Variants in COL4A6 observed in about 807,000 individuals in gnomAD.
COL4A6 encodes the protein collagen alpha-6(IV) chain.
In COL4A6, 59 loss-of-function variants were observed where a neutral mutation model predicts 126.7. The observed-to-expected ratio is 0.47, with a 90% CI of 0.38 to 0.58. The LOEUF is 0.58. Ranked by LOEUF, COL4A6 falls within the 20% of genes least tolerant of loss-of-function variation. The pLI is 0.00. For synonymous variants in COL4A6, 547 were observed against 496.6 expected, an observed-to-expected ratio of 1.10 and a Z score of -1.35; for missense variants, 1,285 against 1,337.3, an observed-to-expected ratio of 0.96 and a Z score of 0.61.
intron 3 of COL4A6, among the ~76,000 whole-genome samples, chrX:108,235,460 C>G (rs2148303154): frequency 9.0e-6 from 1 of 111,495 alleles, no homozygotes; most frequent in Admixed American, 9.5e-5. Context: ...AGACTGTTAG[C>G]AACCTCACCC....
intron 2 of COL4A6, among the ~76,000 whole-genome samples, chrX:108,410,749 A>T (rs1427266718): frequency 9.0e-6 from 1 of 111,584 alleles, no homozygotes; most frequent in Non-Finnish European, 1.9e-5. Context: ...GTACCCAAAG[A>T]CTTGCTTTAT....
rs998169441 is a variant in COL4A6 at position 108,155,946 on chromosome X, AC to A, written c.*1053del. On this transcript the variant is annotated 3_prime_UTR_variant, in exon 45 of 45. Transcript: ENST00000334504. The stretch of plus-strand genomic sequence containing the variant: ...CTAGATTTTTATGAGGTTTAAAAAA[AC>A]ATATTAAAATAGTTTAATAGGCTAC... 2.7e-5 allele frequency: 3 copies of A among 112,368 alleles called. No homozygotes were observed. Among genetic ancestry groups the A allele is most frequent in the African/African-American group, 9.7e-5 (3 of 30,927 alleles). The allele number at this position is 112,368 out of a possible 1,213,427, so 9.3% of individuals were successfully genotyped here.
chrX:108,256,394 G>A (rs915765444), intron 3 of COL4A6, among the ~76,000 whole-genome samples: 23 of 111,998 alleles, frequency 2.1e-4, no homozygotes, highest in African/African-American at 7.4e-4. Flanking sequence ...CATTTATTAT[G>A]TGTCAGGCAA....
intron 3 of COL4A6, among the ~76,000 whole-genome samples, chrX:108,282,891 G>A (rs754007458): frequency 1.6e-4 from 17 of 106,469 alleles, no homozygotes; most frequent in South Asian, 4.4e-4. Context: ...GTAAACTATC[G>A]CAAGAACATA....
rs185327293 is a variant in COL4A6, at chrX:108,272,759, T to C, written c.144+37989A>G. Reference sequence around the variant, plus strand: ...AACTTTAATTCGAGATAGCACTCTCTACTTCTATCTGCCAATGGTTATCAA... The same window carrying C: ...AACTTTAATTCGAGATAGCACTCTCCACTTCTATCTGCCAATGGTTATCAA... On this transcript the variant is annotated intron_variant, in intron 3 of 44. Transcript: ENST00000334504. 3.0e-3 allele frequency among the ~76,000 whole-genome samples: 333 copies of C among 109,986 alleles called. 1 individual carries two copies. Among genetic ancestry groups the C allele is most frequent in the African/African-American group, 0.01 (311 of 30,268 alleles).
chrX:108,392,663 A>G (rs61371999), intron 2 of COL4A6, among the ~76,000 whole-genome samples: 8,110 of 111,063 alleles, frequency 0.073, 660 homozygotes, highest in African/African-American at 0.23. Context: ...CCCCCAAGGT[A>G]AGGATATTAG....
intron 3 of COL4A6, among the ~76,000 whole-genome samples, chrX:108,267,040 T>C (rs2037322572): frequency 8.9e-6 from 1 of 112,134 alleles, no homozygotes; most frequent in Admixed American, 9.5e-5. Flanking sequence ...TGGGCTAAAG[T>C]CAAGCTATTG....
At chrX:108,308,084 G>C (rs764375239) in intron 3 of COL4A6, among the ~76,000 whole-genome samples, 1 of 111,328 alleles carries the variant, frequency 9.0e-6, no homozygotes, top group Non-Finnish European at 1.9e-5. Flanking sequence ...AAATATTGAG[G>C]TAAAAATCTG....
At chrX:108,241,134 G>T (rs370392351) in intron 3 of COL4A6, among the ~76,000 whole-genome samples, 1 of 110,601 alleles carries the variant, frequency 9.0e-6, no homozygotes, top group African/African-American at 3.3e-5. Context: ...AATGTAAAAT[G>T]AGACATTATA....
intron 40 of COL4A6, 120 bp from the exon 41 acceptor site, chrX:108,163,158 G>T (rs2034016453): frequency 1.7e-6 from 1 of 593,338 alleles, no homozygotes; most frequent in Admixed American, 3.8e-5. Context: ...GTCCCCACAG[G>T]ATACCCGGGT....
rs190977341 is a variant in COL4A6, at chrX:108,367,833, T to A, written c.64-57005A>T. On this transcript the variant is annotated intron_variant, in intron 2 of 44. Transcript: ENST00000334504. ...TATCTCGATTTACTGGTCCTACACA[T>A]CCTTCGGATATTAGCTGGAATGCTT... Among the ~76,000 whole-genome samples the A allele has an allele frequency of 7.3e-4, 82 of 111,815 alleles. 1 individual carries two copies. Among genetic ancestry groups the A allele is most frequent in the Middle Eastern group, 4.6e-3 (1 of 218 alleles).
intron 2 of COL4A6, 148 bp from the exon 3 acceptor site, chrX:108,310,976 A>G: frequency 4.3e-6 from 2 of 468,461 alleles, no homozygotes; most frequent in Non-Finnish European, 7.3e-6. Flanking sequence ...TGAAATAAAA[A>G]CTAAACTTAA....
intron 2 of COL4A6, among the ~76,000 whole-genome samples, chrX:108,313,506 C>A (rs1397380265): frequency 1.8e-5 from 2 of 110,661 alleles, no homozygotes; most frequent in African/African-American, 3.3e-5. Context: ...TTTTTTAAAT[C>A]TTATTATTAT....
intron 2 of COL4A6, among the ~76,000 whole-genome samples, chrX:108,388,933 C>T (rs985324593): frequency 9.0e-6 from 1 of 111,287 alleles, no homozygotes; most frequent in African/African-American, 3.3e-5. Flanking sequence ...CTCATTGGTT[C>T]CAAAGAACAT....
At chrX:108,277,775 G>A (rs2037658815) in intron 3 of COL4A6, among the ~76,000 whole-genome samples, 1 of 111,504 alleles carries the variant, frequency 9.0e-6, no homozygotes, top group African/African-American at 3.3e-5. Flanking sequence ...ACATGGCCGG[G>A]TACTCCTCTG....
chrX:108,383,151 C>A (rs1231516926), intron 2 of COL4A6, among the ~76,000 whole-genome samples: 2 of 110,224 alleles, frequency 1.8e-5, no homozygotes, highest in Non-Finnish European at 3.8e-5. Flanking sequence ...AATGCAGAGA[C>A]TGTCAGAATG....
intron 6 of COL4A6, 61 bp downstream of exon 6, chrX:108,214,051 A>G: frequency 1.0e-6 from 1 of 980,270 alleles, no homozygotes; most frequent in Non-Finnish European, 1.4e-6. Context: ...AGGCAGAAAA[A>G]GGGCACACGT....
At chrX:108,332,630 G>A (rs2039329155) in intron 2 of COL4A6, among the ~76,000 whole-genome samples, 1 of 110,844 alleles carries the variant, frequency 9.0e-6, no homozygotes, top group African/African-American at 3.3e-5. Context: ...CATGTTTGTT[G>A]GCCACCTGCA....
At chrX:108,381,647 G>A (rs2040559821) in intron 2 of COL4A6, among the ~76,000 whole-genome samples, 1 of 111,248 alleles carries the variant, frequency 9.0e-6, no homozygotes, top group Admixed American at 9.6e-5. Flanking sequence ...ATTAAATGAG[G>A]TAATACATAT....
Sources: allele counts gnomAD v4.1 joint callset (sites outside exome capture counted in the v4.1 genomes callset), GRCh38; gene constraint gnomAD v4.1.1; transcripts MANE v1.5; gene names NCBI Gene and HGNC (gene_info 2026-07-23, HGNC 2026-07-21).